The following PRKCE variants were observed in gnomAD, a reference collection of about 807,000 sequenced individuals.
PRKCE encodes the protein protein kinase C epsilon.
A neutral mutation model predicts 85.4 loss-of-function variants in PRKCE; 16 were observed. That is an observed-to-expected ratio of 0.19 (90% CI 0.13 to 0.28). The LOEUF is 0.28. Ranked by LOEUF, PRKCE falls within the 10% of genes least tolerant of loss-of-function variation. The pLI is 1.00. For missense variants in PRKCE, 573 were observed against 975.2 expected, an observed-to-expected ratio of 0.59 and a Z score of 5.49; for synonymous variants, 388 against 371.5, an observed-to-expected ratio of 1.04 and a Z score of -0.51.
At chr2:45,868,017 C>G (rs1043196266) in intron 2 of PRKCE, among the ~76,000 whole-genome samples, 2 of 152,032 alleles carry the variant, frequency 1.3e-5, no homozygotes, top group African/African-American at 4.8e-5. Context: ...CTCATTCCCG[C>G]CAGGTTTTTC....
intron 11 of PRKCE, among the ~76,000 whole-genome samples, chr2:46,113,639 C>G (rs773331101): frequency 6.6e-6 from 1 of 152,216 alleles, no homozygotes; most frequent in Non-Finnish European, 1.5e-5. Context: ...GGAAAGATCT[C>G]TGCAGGTAGA....
intron 10 of PRKCE, among the ~76,000 whole-genome samples, chr2:46,059,217 G>A (rs771516255): frequency 8.0e-6 from 1 of 124,898 alleles, no homozygotes; most frequent in East Asian, 1.9e-4. Flanking sequence ...GAGCCCAGGA[G>A]GTTAAGGCTA....
chr2:46,105,025 T>C (rs1366188117), intron 11 of PRKCE, among the ~76,000 whole-genome samples: 1 of 148,828 alleles, frequency 6.7e-6, no homozygotes, highest in Non-Finnish European at 1.5e-5. Flanking sequence ...TCCTTTTTTT[T>C]TTTTCCCCAG....
At chr2:45,873,120 G>T (rs1390112599) in intron 2 of PRKCE, among the ~76,000 whole-genome samples, 1 of 152,186 alleles carries the variant, frequency 6.6e-6, no homozygotes, top group African/African-American at 2.4e-5. Flanking sequence ...CTGGAGCGAT[G>T]GCTCTCACAT....
intron 1 of PRKCE, among the ~76,000 whole-genome samples, chr2:45,741,188 A>G (rs980005741): frequency 6.6e-6 from 1 of 152,234 alleles, no homozygotes; most frequent in African/African-American, 2.4e-5. Context: ...TTATGGAAGC[A>G]GTCTTAGGCT....
At chr2:45,676,228 C>T (rs2103875947) in intron 1 of PRKCE, 1 of 152,280 alleles carries the variant, frequency 6.6e-6, no homozygotes, top group East Asian at 1.9e-4. Context: ...TGCTTCTCTG[C>T]CGCGTGTTTG....
At chr2:45,914,266 G>A (rs1186178791) in intron 2 of PRKCE, among the ~76,000 whole-genome samples, 1 of 152,242 alleles carries the variant, frequency 6.6e-6, no homozygotes, top group Non-Finnish European at 1.5e-5. Context: ...AAATGCTGGA[G>A]TGTCTAGAAT....
chr2:46,090,186 C>A (rs752207338), intron 11 of PRKCE, among the ~76,000 whole-genome samples: 1 of 152,114 alleles, frequency 6.6e-6, no homozygotes, highest in Non-Finnish European at 1.5e-5. Flanking sequence ...GAGTAATACT[C>A]CTGGAGCTAT....
At chr2:46,021,776 C>T (rs781174503) in intron 10 of PRKCE, among the ~76,000 whole-genome samples, 3 of 152,184 alleles carry the variant, frequency 2.0e-5, no homozygotes, top group Non-Finnish European at 2.9e-5. Context: ...TGGCTGACGT[C>T]AGATTCTCTC....
At chr2:45,813,205 A>C (rs1558700649) in intron 1 of PRKCE, among the ~76,000 whole-genome samples, 1 of 152,186 alleles carries the variant, frequency 6.6e-6, no homozygotes, top group Non-Finnish European at 1.5e-5. Flanking sequence ...TGAGGCACTT[A>C]TCTAACTGGA....
At chr2:45,731,617 A>ATTTT (rs11329717) in intron 1 of PRKCE, among the ~76,000 whole-genome samples, 7 of 108,580 alleles carry the variant, frequency 6.4e-5, no homozygotes, top group East Asian at 5.0e-4. Context: ...AATTCCTGGA[A>ATTTT]TTTTTTTTTT....
intron 5 of PRKCE, among the ~76,000 whole-genome samples, chr2:45,983,904 G>A (rs1703097870): frequency 6.6e-6 from 1 of 151,770 alleles, no homozygotes; most frequent in South Asian, 2.1e-4. Context: ...GCCTAGGTGG[G>A]GCTTCCAGGC....
At chr2:46,122,884 T>TTG (rs1673448097) in intron 11 of PRKCE, among the ~76,000 whole-genome samples, 1 of 147,404 alleles carries the variant, frequency 6.8e-6, no homozygotes, top group African/African-American at 2.5e-5. Flanking sequence ...AGTCTGGGTT[T>TTG]TTTTTTTTTT....
At chr2:45,737,902 C>T (rs896301296) in intron 1 of PRKCE, among the ~76,000 whole-genome samples, 1 of 152,164 alleles carries the variant, frequency 6.6e-6, no homozygotes, top group Non-Finnish European at 1.5e-5. Context: ...ATCCCTCCCC[C>T]AACCTTAGCA....
At chr2:46,048,611 C>T (rs1034967625) in intron 10 of PRKCE, among the ~76,000 whole-genome samples, 11 of 152,182 alleles carry the variant, frequency 7.2e-5, no homozygotes, top group Non-Finnish European at 8.8e-5. Flanking sequence ...TTTGTCCACG[C>T]ACTTGGCCTT....
intron 10 of PRKCE, among the ~76,000 whole-genome samples, chr2:46,066,997 C>G (rs1667676923): frequency 6.6e-6 from 1 of 152,112 alleles, no homozygotes; most frequent in Non-Finnish European, 1.5e-5. Flanking sequence ...ACTAGAACGG[C>G]TAATAAAATT....
At chr2:45,916,987 G>A (rs1325966418) in intron 2 of PRKCE, among the ~76,000 whole-genome samples, 2 of 152,174 alleles carry the variant, frequency 1.3e-5, no homozygotes, top group Non-Finnish European at 2.9e-5. Context: ...CAAAGAGTGA[G>A]CAGCAGCAGG....
At chr2:46,097,210 C>A (rs1670774043) in intron 11 of PRKCE, among the ~76,000 whole-genome samples, 1 of 152,108 alleles carries the variant, frequency 6.6e-6, no homozygotes, top group Non-Finnish European at 1.5e-5. Flanking sequence ...GCTGACAGAT[C>A]TGCTTGCATT....
chr2:46,132,187 G>A (rs1217457179), intron 11 of PRKCE, among the ~76,000 whole-genome samples: 5 of 152,090 alleles, frequency 3.3e-5, no homozygotes, highest in Admixed American at 1.3e-4. Context: ...CAAAGTCCTC[G>A]GTGGTTGCTC....
Sources: gnomAD v4.1 joint callset for allele counts (sites outside exome capture counted in the v4.1 genomes callset) on GRCh38, gnomAD v4.1.1 for gene constraint, MANE v1.5 for transcripts, NCBI Gene and HGNC (gene_info 2026-07-23, HGNC 2026-07-21) for gene names.